STK32B: variants seen among roughly 807,000 people sequenced by gnomAD.
STK32B encodes the protein serine/threonine-protein kinase 32B.
Under a neutral mutation model 52.6 loss-of-function variants are expected in STK32B, and 43 were observed. That is an observed-to-expected ratio of 0.82 (90% confidence interval 0.64 to 1.05). STK32B has a LOEUF of 1.05. STK32B is among the 50% of genes least tolerant of loss of function. The pLI, the probability that STK32B is intolerant of heterozygous loss-of-function variation, is 0.00. For missense variants in STK32B, 621 were observed against 534.6 expected, an observed-to-expected ratio of 1.16 and a Z score of -1.59; for synonymous variants, 238 against 204.3, an observed-to-expected ratio of 1.17 and a Z score of -1.41.
the STK32B span, among the ~76,000 whole-genome samples, chr4:5,041,974 C>T: frequency 1.3e-5 from 2 of 152,166 alleles, no homozygotes; most frequent in East Asian, 3.9e-4. Flanking sequence ...TGGCTTGGCA[C>T]AGAAGACGCC....
intron 3 of STK32B, among the ~76,000 whole-genome samples, chr4:5,288,178 T>C (rs1728669769): frequency 6.6e-6 from 1 of 152,220 alleles, no homozygotes; most frequent in African/African-American, 2.4e-5. Flanking sequence ...TGTTTCCCTA[T>C]TTTGAGTAAT....
chr4:5,239,388 G>C (rs940041884), intron 3 of STK32B, among the ~76,000 whole-genome samples: 1 of 152,100 alleles, frequency 6.6e-6, no homozygotes, highest in Non-Finnish European at 1.5e-5. Context: ...GGTCGGCACC[G>C]TCTGTCCAGG....
rs1198077862 is a variant in STK32B, at chr4:5,213,339, A to G, written c.260+44889A>G. ...CCTTGTCTCATACAGTCTATTCTCCATACAGCTGCTGGGCTGAACTTCAAA... is the reference window on the plus strand; with the variant it reads ...CCTTGTCTCATACAGTCTATTCTCCGTACAGCTGCTGGGCTGAACTTCAAA... On this transcript the variant is annotated intron_variant, in intron 3 of 11. Transcript: ENST00000282908. 2.6e-5 allele frequency among the ~76,000 whole-genome samples: 4 copies of G among 152,130 alleles called. No homozygotes were observed. The East Asian group carries it at 7.7e-4, about 29-fold the overall frequency.
chr4:5,236,538 C>T (rs1724650001), intron 3 of STK32B, among the ~76,000 whole-genome samples: 2 of 152,132 alleles, frequency 1.3e-5, no homozygotes, highest in Non-Finnish European at 2.9e-5. Flanking sequence ...CATCAATTAG[C>T]TTTGCCTGCC....
chr4:5,086,539 AT>A (rs1712741516), intron 1 of STK32B, among the ~76,000 whole-genome samples: 1 of 152,224 alleles, frequency 6.6e-6, no homozygotes, highest in South Asian at 2.1e-4. Flanking sequence ...AAGAGAAGAA[AT>A]AATATTTGAA....
At chr4:5,454,034 G>T (rs1482752150) in intron 7 of STK32B, among the ~76,000 whole-genome samples, 1 of 152,082 alleles carries the variant, frequency 6.6e-6, no homozygotes, top group African/African-American at 2.4e-5. Flanking sequence ...ATGCCCAGCA[G>T]CCCCATAGAT....
At chr4:5,038,388 C>T in the STK32B span, among the ~76,000 whole-genome samples, 1 of 152,176 alleles carries the variant, frequency 6.6e-6, no homozygotes, top group Non-Finnish European at 1.5e-5. Context: ...GACGGGGATA[C>T]ATTCTGAGAA....
intron 3 of STK32B, among the ~76,000 whole-genome samples, chr4:5,320,008 G>A (rs1370535384): frequency 6.6e-6 from 1 of 152,144 alleles, no homozygotes; most frequent in Non-Finnish European, 1.5e-5. Context: ...AATGAACTTG[G>A]CAGATTTCTA....
chr4:5,173,595 T>G (rs543236893), intron 3 of STK32B, among the ~76,000 whole-genome samples: 2 of 152,338 alleles, frequency 1.3e-5, no homozygotes, highest in South Asian at 4.1e-4. Context: ...TTGTTAAGTT[T>G]CCATGTAGTT....
At chr4:5,230,905 G>A (rs1185564205) in intron 3 of STK32B, among the ~76,000 whole-genome samples, 1 of 152,336 alleles carries the variant, frequency 6.6e-6, no homozygotes, top group African/African-American at 2.4e-5. Context: ...TTTATGGAAT[G>A]AATTGGATGT....
intron 3 of STK32B, among the ~76,000 whole-genome samples, chr4:5,194,547 G>A (rs532979124): frequency 6.6e-6 from 1 of 152,208 alleles, no homozygotes; most frequent in Non-Finnish European, 1.5e-5. Context: ...CAGAGCAATT[G>A]AAAGATGAAC....
At chr4:5,192,535 G>T (rs1346628837) in intron 3 of STK32B, among the ~76,000 whole-genome samples, 5 of 152,130 alleles carry the variant, frequency 3.3e-5, no homozygotes, top group Non-Finnish European at 5.9e-5. Context: ...GTTTAAATGT[G>T]ATCACAATAG....
chr4:5,489,331 GT>G, intron 11 of STK32B, among the ~76,000 whole-genome samples: 1 of 152,080 alleles, frequency 6.6e-6, no homozygotes, highest in East Asian at 1.9e-4. Context: ...AATATCAATT[GT>G]TTACCTAAGC....
chr4:5,382,667 GTC>G (rs1165298021), intron 4 of STK32B, among the ~76,000 whole-genome samples: 2 of 152,154 alleles, frequency 1.3e-5, no homozygotes, highest in Non-Finnish European at 2.9e-5. Context: ...GTAAGACTCT[GTC>G]TGGTATTTCT....
At chr4:5,047,497 T>A (rs1405763483), upstream of STK32B, among the ~76,000 whole-genome samples, 1 of 152,082 alleles carries the variant, frequency 6.6e-6, no homozygotes, top group Non-Finnish European at 1.5e-5. Context: ...AGTCCAGAGG[T>A]CTGATTGATG....
chr4:5,497,152 C>CTCTT (rs1376370141), intron 11 of STK32B, among the ~76,000 whole-genome samples: 2 of 152,150 alleles, frequency 1.3e-5, no homozygotes, highest in East Asian at 1.9e-4. Context: ...AGAACGCAGA[C>CTCTT]TCTTTAAATA....
intron 3 of STK32B, among the ~76,000 whole-genome samples, chr4:5,301,526 G>A (rs996004173): frequency 5.3e-5 from 8 of 151,288 alleles, no homozygotes; most frequent in African/African-American, 1.9e-4. Flanking sequence ...CTACTAATTT[G>A]TCCGTTTCAT....
intron 3 of STK32B, among the ~76,000 whole-genome samples, chr4:5,276,764 CA>C (rs1221995604): frequency 6.6e-6 from 1 of 151,984 alleles, no homozygotes; most frequent in East Asian, 1.9e-4. Flanking sequence ...CGCTCAGAAA[CA>C]TGATGTGCTT....
rs746946013 is a variant in STK32B, at chr4:5,184,695, A to AAAG, written c.260+16260_260+16262dup. Among the ~76,000 whole-genome samples the AAAG allele has an allele frequency of 2.2e-3, 301 of 137,322 alleles. 5 individuals carry two copies. Among genetic ancestry groups the AAAG allele is most frequent in the Middle Eastern group, 3.7e-3 (1 of 270 alleles). The allele number at this position is 137,322 out of a possible 152,430, so 90.1% of individuals were successfully genotyped here. ...GAGCGAGACTGTCTCAAAAAAAAAA[A>AAAG]AAGAAGAAGAAGAAGAAAAAGAAAA... On this transcript the variant is annotated intron_variant, in intron 3 of 11. Coordinates refer to ENST00000282908, the MANE Select transcript of STK32B (RefSeq NM_018401.3).
Sources: gnomAD v4.1 joint callset for allele counts (sites outside exome capture counted in the v4.1 genomes callset) on GRCh38, gnomAD v4.1.1 for gene constraint, MANE v1.5 for transcripts, NCBI Gene and HGNC (gene_info 2026-07-23, HGNC 2026-07-21) for gene names.